The following SV2C variants were observed in gnomAD, a reference collection of about 807,000 sequenced individuals.
The protein encoded by SV2C is solute carrier family 22 member B3.
Under a neutral mutation model 79.7 loss-of-function variants are expected in SV2C, and 49 were observed. The ratio of observed to expected loss-of-function variants is 0.61; its 90% CI spans 0.49 to 0.78. The LOEUF (loss-of-function observed/expected upper bound fraction) is 0.78, where lower values mean the gene tolerates loss of function less well. Among genes scored for constraint, SV2C ranks in the 30% least tolerant of loss-of-function variants. The probability of loss-of-function intolerance (pLI) is 0.00; values close to 1 mark genes in which losing one functional copy is unlikely to be tolerated. For synonymous variants in SV2C, 334 were observed against 333.2 expected (o/e 1.00, Z -0.03); for missense variants, 833 against 912.9 (o/e 0.91, Z 1.13).
chr5:76,125,486 C>T (rs180950650), intron 1 of SV2C, among the ~76,000 whole-genome samples: 179 of 152,194 alleles, frequency 1.2e-3, no homozygotes, highest in African/African-American at 2.6e-3. Context: ...TCACTGGTGT[C>T]ATGCTGAGGG....
intron 4 of SV2C, among the ~76,000 whole-genome samples, chr5:76,274,684 C>CTTTTT (rs11415755): frequency 1.4e-5 from 2 of 139,618 alleles, no homozygotes; most frequent in Non-Finnish European, 1.5e-5. Flanking sequence ...TTTTCTCCTT[C>CTTTTT]TTTTTTTTTT....
At chr5:76,289,026 T>A (rs1747455471) in intron 6 of SV2C, among the ~76,000 whole-genome samples, 1 of 152,098 alleles carries the variant, frequency 6.6e-6, no homozygotes, top group South Asian at 2.1e-4. Context: ...AATACAGGCA[T>A]GTGCCACCAT....
chr5:76,317,439 C>A (rs978630104), intron 12 of SV2C, among the ~76,000 whole-genome samples: 9 of 151,850 alleles, frequency 5.9e-5, no homozygotes, highest in African/African-American at 1.9e-4. Flanking sequence ...AACCACCCCC[C>A]CCAACACACA....
the SV2C span, among the ~76,000 whole-genome samples, chr5:76,063,396 G>A: frequency 6.6e-6 from 1 of 152,238 alleles, no homozygotes; most frequent in African/African-American, 2.4e-5. Flanking sequence ...AAAGAATGTG[G>A]CAAAACATAC....
intron 2 of SV2C, among the ~76,000 whole-genome samples, chr5:76,146,864 A>C (rs1749452522): frequency 6.6e-6 from 1 of 151,906 alleles, no homozygotes; most frequent in South Asian, 2.1e-4. Flanking sequence ...AACAAAAAAA[A>C]AGTTTTAAAA....
At chr5:76,256,791 C>A (rs1430551605) in intron 4 of SV2C, among the ~76,000 whole-genome samples, 1 of 152,210 alleles carries the variant, frequency 6.6e-6, no homozygotes, top group Non-Finnish European at 1.5e-5. Context: ...TTTCCTTATA[C>A]AGACCTTCAT....
At chr5:76,043,641 C>G in the SV2C span, among the ~76,000 whole-genome samples, 1 of 152,184 alleles carries the variant, frequency 6.6e-6, no homozygotes, top group South Asian at 2.1e-4. Context: ...ATAGCATTAG[C>G]TTTATTATAC....
the SV2C span, among the ~76,000 whole-genome samples, chr5:75,897,567 A>T: frequency 1.3e-5 from 2 of 152,292 alleles, no homozygotes; most frequent in African/African-American, 2.4e-5. Context: ...TTTTGGTTCC[A>T]TATGAACTTT....
At chr5:76,038,153 A>G in the SV2C span, among the ~76,000 whole-genome samples, 14 of 152,204 alleles carry the variant, frequency 9.2e-5, no homozygotes, top group Admixed American at 2.0e-4. Context: ...GGCACTCCCT[A>G]GTGAGATGAA....
At chr5:76,087,253 A>G (rs1051874008) in intron 1 of SV2C, among the ~76,000 whole-genome samples, 1 of 152,210 alleles carries the variant, frequency 6.6e-6, no homozygotes, top group African/African-American at 2.4e-5. Flanking sequence ...AGATACTCAG[A>G]TCAATTTAGT....
At chr5:76,161,633 C>G (rs987769685) in intron 2 of SV2C, among the ~76,000 whole-genome samples, 1 of 152,076 alleles carries the variant, frequency 6.6e-6, no homozygotes, top group Non-Finnish European at 1.5e-5. Flanking sequence ...CCACACTCAG[C>G]CTAGGTACAG....
chr5:76,093,154 C>T (rs1747434934), intron 1 of SV2C, among the ~76,000 whole-genome samples: 1 of 152,116 alleles, frequency 6.6e-6, no homozygotes, highest in African/African-American at 2.4e-5. Flanking sequence ...TTATAGAGCA[C>T]CCATCGAAAA....
chr5:76,048,995 G>GA, the SV2C span, among the ~76,000 whole-genome samples: 21 of 84,226 alleles, frequency 2.5e-4, 1 homozygote, highest in African/African-American at 8.7e-4. Context: ...AAGAAAGAAA[G>GA]AAAGAAAGAA....
chr5:75,996,327 C>T, the SV2C span, among the ~76,000 whole-genome samples: 1 of 152,134 alleles, frequency 6.6e-6, no homozygotes, highest in African/African-American at 2.4e-5. Context: ...GGGCTCTGTT[C>T]CGTTCCATTA....
At chr5:76,215,976 A>C (rs1393562581) in intron 4 of SV2C, among the ~76,000 whole-genome samples, 2 of 152,018 alleles carry the variant, frequency 1.3e-5, no homozygotes, top group African/African-American at 4.8e-5. Context: ...GCCCCTGACA[A>C]GCCTCTGATG....
chr5:76,239,164 C>T (rs1184278585), intron 4 of SV2C, among the ~76,000 whole-genome samples: 1 of 152,120 alleles, frequency 6.6e-6, no homozygotes, highest in Non-Finnish European at 1.5e-5. Context: ...TGTCTGCTTG[C>T]TGTCTTCCAA....
intron 1 of SV2C, among the ~76,000 whole-genome samples, chr5:76,110,565 T>C (rs897841640): frequency 2.0e-5 from 3 of 152,180 alleles, no homozygotes; most frequent in Admixed American, 6.5e-5. Context: ...TCGAGAGAAG[T>C]CTCATGAGTC....
rs562368984 is a variant in SV2C, at chr5:76,178,502, T to C, written c.581-16417T>C. Among the ~76,000 whole-genome samples, 29 of 152,294 alleles carry C rather than the reference T, an allele frequency of 1.9e-4. 1 individual carries two copies. In the South Asian group the frequency reaches 5.8e-3, roughly 31 times the overall value. On this transcript the variant is annotated intron_variant, in intron 2 of 12. Transcript: ENST00000502798. ...TTTTGAAAAAAAAGAATGAGCAAGA[T>C]TGACAGAGGGAAGCCCACCTTTATT...
chr5:75,879,152 G>A, the SV2C span, among the ~76,000 whole-genome samples: 32 of 152,196 alleles, frequency 2.1e-4, no homozygotes, highest in Non-Finnish European at 3.7e-4. Context: ...CTTCAACACC[G>A]GGAATTACAT....
Sources: gnomAD v4.1 joint callset for allele counts (sites outside exome capture counted in the v4.1 genomes callset) on GRCh38, gnomAD v4.1.1 for gene constraint, MANE v1.5 for transcripts, NCBI Gene and HGNC (gene_info 2026-07-23, HGNC 2026-07-21) for gene names.